WDR7: variants seen among roughly 807,000 people sequenced by gnomAD.
WDR7 encodes the protein WD repeat domain 7, also known as WD repeat-containing protein 7.
In WDR7, 46 loss-of-function variants were observed where a neutral mutation model predicts 169.4. That is an observed-to-expected ratio of 0.27 (90% CI 0.21 to 0.35). WDR7 has a LOEUF of 0.35. WDR7 is among the 10% of genes least tolerant of loss of function. The pLI, the probability that WDR7 is intolerant of heterozygous loss-of-function variation, is 1.00. For missense variants in WDR7, 1,534 were observed against 1,859.3 expected (o/e 0.83, Z 3.22); for synonymous variants, 612 against 666.8 (o/e 0.92, Z 1.27).
At chr18:56,767,252 T>C (rs1468950687) in intron 16 of WDR7, among the ~76,000 whole-genome samples, 1 of 152,202 alleles carries the variant, frequency 6.6e-6, no homozygotes, top group African/African-American at 2.4e-5. Flanking sequence ...GTAGTTTCTT[T>C]ACAGACATGT....
chr18:56,701,409 T>G (rs1159670427), intron 12 of WDR7, among the ~76,000 whole-genome samples: 1 of 152,204 alleles, frequency 6.6e-6, no homozygotes, highest in East Asian at 1.9e-4. Context: ...TATATATCAT[T>G]TGCTTGAAAT....
At chr18:56,923,122 A>G (rs2046750455) in intron 21 of WDR7, among the ~76,000 whole-genome samples, 1 of 152,206 alleles carries the variant, frequency 6.6e-6, no homozygotes, top group Admixed American at 6.5e-5. Flanking sequence ...AAACAAACAA[A>G]CAAAAACTCT....
At chr18:56,748,644 C>T (rs1047161643) in intron 14 of WDR7, among the ~76,000 whole-genome samples, 2 of 152,082 alleles carry the variant, frequency 1.3e-5, no homozygotes, top group African/African-American at 4.8e-5. Context: ...TGCTTATTAA[C>T]ATACTTGTTA....
At chr18:56,990,472 A>G (rs1332889786) in intron 26 of WDR7, among the ~76,000 whole-genome samples, 1 of 152,236 alleles carries the variant, frequency 6.6e-6, no homozygotes, top group Non-Finnish European at 1.5e-5. Flanking sequence ...CAAACATCCT[A>G]TAGATGAGAA....
chr18:56,656,279 GTT>G (rs1217856567), intron 1 of WDR7, among the ~76,000 whole-genome samples: 2 of 132,594 alleles, frequency 1.5e-5, no homozygotes, highest in Non-Finnish European at 3.3e-5. Context: ...TACTGTCACT[GTT>G]TTTTTTTTTT....
chr18:56,817,368 A>G (rs1272241834), intron 20 of WDR7, among the ~76,000 whole-genome samples: 1 of 151,686 alleles, frequency 6.6e-6, no homozygotes, highest in Non-Finnish European at 1.5e-5. Context: ...AAGAAAAATT[A>G]AAAGGAGAAA....
At chr18:56,750,325 T>C (rs1027603837) in intron 14 of WDR7, among the ~76,000 whole-genome samples, 2 of 152,230 alleles carry the variant, frequency 1.3e-5, no homozygotes, top group South Asian at 4.1e-4. Flanking sequence ...AATATGTCTA[T>C]CTTACTACCC....
intron 20 of WDR7, among the ~76,000 whole-genome samples, chr18:56,878,243 A>G (rs969319355): frequency 1.3e-5 from 2 of 152,198 alleles, no homozygotes; most frequent in African/African-American, 4.8e-5. Context: ...ATATGAAACT[A>G]TGCTGAGCTT....
intron 26 of WDR7, among the ~76,000 whole-genome samples, chr18:56,966,536 A>AT (rs1011067619): frequency 6.6e-6 from 1 of 150,626 alleles, no homozygotes; most frequent in Non-Finnish European, 1.5e-5. Flanking sequence ...CACATATAAC[A>AT]TACAAGATAT....
In WDR7 at chr18:56,962,486, A is replaced by G. The variant is rs1200085978; in HGVS notation, c.4121A>G (p.His1374Arg). Reference sequence around the variant, plus strand: ...CACAGAATAGCAGTTGGAGCTCGCCATGGTTCAGTGGCCCTGTACGACATC... The same window carrying G: ...CACAGAATAGCAGTTGGAGCTCGCCGTGGTTCAGTGGCCCTGTACGACATC... ...RNHRIAVGAR[H>R]GSVALYDIRT... Residue 1374 changes from histidine to arginine, a missense_variant, in exon 26 of 28, where the codon CAT (histidine) becomes CGT (arginine). His to Arg is a conservative substitution (Grantham distance 29). Transcript: ENST00000254442. 2 of 1,613,094 alleles carry G rather than the reference A, an allele frequency of 1.2e-6. No homozygotes were observed. The highest frequency in any genetic ancestry group is 1.7e-5 in the Admixed American group (1 of 59,900).
chr18:56,787,549 A>T, intron 19 of WDR7, among the ~76,000 whole-genome samples: 1 of 152,198 alleles, frequency 6.6e-6, no homozygotes, highest in East Asian at 1.9e-4. Flanking sequence ...CTTTGTTCTT[A>T]TCGAGTCCCT....
At chr18:56,839,735 T>C (rs569721782) in intron 20 of WDR7, among the ~76,000 whole-genome samples, 5 of 152,298 alleles carry the variant, frequency 3.3e-5, no homozygotes, top group Admixed American at 2.0e-4. Context: ...GTGGAATATT[T>C]TAAATCATGG....
At chr18:57,022,700 C>G (rs942998978) in intron 27 of WDR7, among the ~76,000 whole-genome samples, 2 of 152,104 alleles carry the variant, frequency 1.3e-5, no homozygotes, top group African/African-American at 4.8e-5. Context: ...GAATATTTTT[C>G]TATTTATATC....
intron 20 of WDR7, 27 bp downstream of exon 20, chr18:56,816,171 A>G (rs777735468): frequency 1.6e-5 from 25 of 1,572,352 alleles, no homozygotes; most frequent in Non-Finnish European, 2.1e-5. Context: ...TTAACGTCTG[A>G]TTGGAGCTTT....
intron 12 of WDR7, among the ~76,000 whole-genome samples, chr18:56,700,471 G>A (rs1568145412): frequency 1.3e-5 from 2 of 151,020 alleles, no homozygotes; most frequent in South Asian, 4.2e-4. Context: ...TGGCCAGGAT[G>A]GTCTCGATCT....
intron 20 of WDR7, among the ~76,000 whole-genome samples, chr18:56,876,082 G>A (rs553765626): frequency 6.6e-6 from 1 of 152,090 alleles, no homozygotes; most frequent in South Asian, 2.1e-4. Flanking sequence ...TGCCATATGA[G>A]GCCTCTCATG....
At chr18:56,975,361 C>T (rs1233962917) in intron 26 of WDR7, among the ~76,000 whole-genome samples, 1 of 152,114 alleles carries the variant, frequency 6.6e-6, no homozygotes, top group Admixed American at 6.5e-5. Context: ...AATCATTTAG[C>T]TGATGGTACA....
rs2025669657 is a variant in WDR7 at position 56,695,142 on chromosome 18, C to T, written c.1301C>T (p.Pro434Leu). ...GREDGSIVIV[P>L]ATQTAIVQLL... is the part of the protein sequence containing the mutation. ...GAAGATGGAAGCATAGTTATTGTAC[C>T]TGCCACACAGACGGCCATAGTACAG... is the stretch of plus-strand genomic sequence containing the variant. Residue 434 changes from proline (P) to leucine (L), a missense_variant, in exon 11 of 28, where the codon CCT (proline) becomes CTT (leucine). Pro to Leu is a moderately conservative substitution (Grantham distance 98). Coordinates refer to ENST00000254442, the MANE Select transcript of WDR7 (RefSeq NM_015285.3). 2 of 1,614,030 alleles carry T rather than the reference C, an allele frequency of 1.2e-6. No homozygotes were observed. Among genetic ancestry groups the T allele is most frequent in the Admixed American group, 3.3e-5 (2 of 60,002 alleles).
chr18:56,998,465 G>A (rs2047929939), intron 26 of WDR7, among the ~76,000 whole-genome samples: 8 of 152,306 alleles, frequency 5.3e-5, no homozygotes, highest in Admixed American at 5.2e-4. Flanking sequence ...ATAATGATCT[G>A]CAGGGAAAGA....
Sources: gnomAD v4.1 joint callset for allele counts (sites outside exome capture counted in the v4.1 genomes callset) on GRCh38, gnomAD v4.1.1 for gene constraint, MANE v1.5 for transcripts, NCBI Gene and HGNC (gene_info 2026-07-23, HGNC 2026-07-21) for gene names.